The following CAMK4 variants were observed in gnomAD, a reference collection of about 807,000 sequenced individuals.
CAMK4 encodes calcium/calmodulin dependent protein kinase IV.
In CAMK4, 22 loss-of-function variants were observed where a neutral mutation model predicts 44.9. The ratio of observed to expected loss-of-function variants is 0.49; its 90% CI spans 0.35 to 0.70. The LOEUF is 0.70. CAMK4 is among the 30% of genes least tolerant of loss of function. CAMK4 has a pLI of 0.01. For synonymous variants in CAMK4, 218 were observed against 215.4 expected, an observed-to-expected ratio of 1.01 and a Z score of -0.11; for missense variants, 498 against 586.8, an observed-to-expected ratio of 0.85 and a Z score of 1.56.
chr5:111,252,607 A>G (rs183321099), intron 1 of CAMK4, among the ~76,000 whole-genome samples: 2 of 152,346 alleles, frequency 1.3e-5, no homozygotes, highest in Admixed American at 6.5e-5. Context: ...GAACTCTACA[A>G]TGATATTCTT....
At chr5:111,434,291 C>CAAAAAA (rs34360413) in intron 5 of CAMK4, among the ~76,000 whole-genome samples, 1 of 131,970 alleles carries the variant, frequency 7.6e-6, no homozygotes, top group Non-Finnish European at 1.6e-5. Context: ...GACTCTGTCT[C>CAAAAAA]AAAAAAAAAA....
intron 1 of CAMK4, among the ~76,000 whole-genome samples, chr5:111,230,183 G>A (rs969892668): frequency 6.6e-6 from 1 of 152,130 alleles, no homozygotes; most frequent in African/African-American, 2.4e-5. Context: ...ATCTCAATCA[G>A]CATTGGTTTT....
intron 2 of CAMK4, chr5:111,365,090 G>A (rs1750741606): frequency 6.6e-6 from 1 of 152,148 alleles, no homozygotes; most frequent in Non-Finnish European, 1.5e-5. Context: ...ACTATCAAGT[G>A]CCAAGTGAAA....
intron 4 of CAMK4, among the ~76,000 whole-genome samples, chr5:111,377,774 G>C (rs932142523): frequency 6.6e-6 from 1 of 152,006 alleles, no homozygotes; most frequent in Non-Finnish European, 1.5e-5. Context: ...TGCGTGAATG[G>C]AAAAGTTTTG....
At chr5:111,469,912 C>T (rs1755002617) in intron 7 of CAMK4, among the ~76,000 whole-genome samples, 1 of 152,088 alleles carries the variant, frequency 6.6e-6, no homozygotes, top group Admixed American at 6.5e-5. Context: ...AACCAAGATC[C>T]AGAAAATATA....
chr5:111,407,189 TA>T (rs1212924830), intron 5 of CAMK4, among the ~76,000 whole-genome samples: 2 of 151,766 alleles, frequency 1.3e-5, no homozygotes, highest in Non-Finnish European at 2.9e-5. Flanking sequence ...CATTATCTAC[TA>T]AAAATACAAA....
At chr5:111,393,136 C>A (rs1194170731) in intron 4 of CAMK4, among the ~76,000 whole-genome samples, 1 of 152,130 alleles carries the variant, frequency 6.6e-6, no homozygotes, top group Non-Finnish European at 1.5e-5. Context: ...AACAAAGAAG[C>A]AGCAATGATA....
At position 111,454,231 on chromosome 5, in the gene CAMK4, G is replaced by A. The variant is rs567481054; in HGVS notation, c.625+5028G>A. Among the ~76,000 whole-genome samples, 13 of 152,232 alleles carry A rather than the reference G, an allele frequency of 8.5e-5. No individual in the cohort carries two copies. In the South Asian group the frequency reaches 2.7e-3, roughly 32 times the overall value. On this transcript the variant is annotated intron_variant, in intron 7 of 10. Coordinates refer to ENST00000282356, the MANE Select transcript of CAMK4 (RefSeq NM_001744.6). ...TGTTAGGATGATTATATCCAAGGTC[G>A]ATTATCCTTAAGTGCACTGTGTCTA...
intron 1 of CAMK4, among the ~76,000 whole-genome samples, chr5:111,226,493 T>C (rs758782014): frequency 6.6e-6 from 1 of 152,222 alleles, no homozygotes; most frequent in Non-Finnish European, 1.5e-5. Context: ...AAGTTGAAAA[T>C]GCATTTACTA....
intron 1 of CAMK4, among the ~76,000 whole-genome samples, chr5:111,248,519 G>GAAAAAAAA (rs111654091): frequency 6.8e-6 from 1 of 147,820 alleles, no homozygotes; most frequent in Non-Finnish European, 1.5e-5. Flanking sequence ...AACAAGTCAT[G>GAAAAAAAA]AAAAAAAAAA....
At chr5:111,393,465 A>G (rs1306022157) in intron 4 of CAMK4, among the ~76,000 whole-genome samples, 1 of 151,916 alleles carries the variant, frequency 6.6e-6, no homozygotes, top group Non-Finnish European at 1.5e-5. Flanking sequence ...CCCTTTTTTT[A>G]ATTAATAGGT....
chr5:111,434,557 A>T (rs969421553), intron 5 of CAMK4, among the ~76,000 whole-genome samples: 2 of 152,188 alleles, frequency 1.3e-5, no homozygotes, highest in Admixed American at 1.3e-4. Flanking sequence ...CTTAGCACAG[A>T]TTTCACAGCC....
intron 3 of CAMK4, among the ~76,000 whole-genome samples, chr5:111,375,552 G>A (rs1338413108): frequency 6.6e-6 from 1 of 152,114 alleles, no homozygotes; most frequent in Non-Finnish European, 1.5e-5. Context: ...TTTCTCTGAG[G>A]AAGTTGTGAT....
At chr5:111,361,974 AT>A (rs1222606153) in intron 2 of CAMK4, among the ~76,000 whole-genome samples, 2 of 152,044 alleles carry the variant, frequency 1.3e-5, no homozygotes, top group Non-Finnish European at 2.9e-5. Flanking sequence ...TAAATTTAGT[AT>A]GCTGCAATTG....
rs60032548 is a variant in CAMK4, at chr5:111,238,547, G to GT, written c.161+13915dup. Among the ~76,000 whole-genome samples, 840 of 144,076 alleles carry GT rather than the reference G, an allele frequency of 5.8e-3. 1 individual carries two copies. The highest frequency in any genetic ancestry group is 8.1e-3 in the Non-Finnish European group (527 of 65,376). The allele number at this position is 144,076 out of a possible 152,430, so 94.5% of individuals were successfully genotyped here. A position where few individuals can be genotyped will look rare whatever the true frequency, so the allele number is the denominator to read the frequency against. ...CAGCCCTCAGAACTGTGAAAAAAAT[G>GT]TTTTTTTTTTTTAAGTTAAGCCACC... On this transcript the variant is annotated intron_variant, in intron 1 of 10. Transcript: ENST00000282356.
At chr5:111,478,688 T>G (rs74610767) in intron 9 of CAMK4, among the ~76,000 whole-genome samples, 181 bp downstream of exon 9, 3,829 of 152,260 alleles carry the variant, frequency 0.025, 105 homozygotes, top group African/African-American at 0.075. Context: ...ACTAGATATG[T>G]TTTTGACTCA....
At chr5:111,375,782 A>G (rs996694271) in intron 3 of CAMK4, among the ~76,000 whole-genome samples, 13 of 152,144 alleles carry the variant, frequency 8.5e-5, no homozygotes, top group African/African-American at 3.1e-4. Context: ...TGGTTCTGCC[A>G]TCCTCAGTGC....
intron 1 of CAMK4, among the ~76,000 whole-genome samples, chr5:111,289,989 A>G (rs908682399): frequency 7.9e-5 from 12 of 152,174 alleles, no homozygotes; most frequent in East Asian, 1.9e-4. Flanking sequence ...CCAATATTCT[A>G]TGGCAGGGTG....
intron 1 of CAMK4, among the ~76,000 whole-genome samples, chr5:111,260,501 CTT>C (rs1184309950): frequency 2.0e-5 from 3 of 152,142 alleles, no homozygotes; most frequent in Non-Finnish European, 4.4e-5. Context: ...CCTCTTGTCT[CTT>C]GTCTTCCTAT....
Sources: allele counts gnomAD v4.1 joint callset (sites outside exome capture counted in the v4.1 genomes callset), GRCh38; gene constraint gnomAD v4.1.1; transcripts MANE v1.5; gene names NCBI Gene and HGNC (gene_info 2026-07-23, HGNC 2026-07-21).